Variants in ARHGEF3 observed in about 807,000 individuals in gnomAD.
ARHGEF3 encodes 59.8 kDA protein.
Under a neutral mutation model 63.2 loss-of-function variants are expected in ARHGEF3, and 28 were observed. The observed-to-expected ratio is 0.44, with a 90% CI of 0.33 to 0.61. The LOEUF is 0.61. ARHGEF3 is among the 20% of genes least tolerant of loss of function. The probability of loss-of-function intolerance (pLI) is 0.03; values close to 1 mark genes in which losing one functional copy is unlikely to be tolerated. For synonymous variants in ARHGEF3, 266 were observed against 254.2 expected (o/e 1.05, Z -0.44); for missense variants, 533 against 659.3 (o/e 0.81, Z 2.10).
At chr3:56,967,876 TA>T (rs1700643828) in intron 2 of ARHGEF3, among the ~76,000 whole-genome samples, 1 of 74,994 alleles carries the variant, frequency 1.3e-5, no homozygotes, top group South Asian at 4.1e-4. Context: ...ATATAATATA[TA>T]ATATAAATAT....
intron 1 of ARHGEF3, among the ~76,000 whole-genome samples, chr3:57,038,747 T>C (rs1206890413): frequency 6.6e-6 from 1 of 152,210 alleles, no homozygotes; most frequent in Non-Finnish European, 1.5e-5. Context: ...CTCAGACCTA[T>C]ACCATTGTTG....
chr3:56,915,412 G>A (rs138489087), intron 3 of ARHGEF3, among the ~76,000 whole-genome samples: 105 of 152,258 alleles, frequency 6.9e-4, no homozygotes, highest in African/African-American at 2.1e-3. Flanking sequence ...GTTGCAGTGA[G>A]CCGTGATTGT....
chr3:57,063,111 G>A (rs895234892), intron 1 of ARHGEF3, among the ~76,000 whole-genome samples: 2 of 152,234 alleles, frequency 1.3e-5, no homozygotes, highest in Non-Finnish European at 1.5e-5. Context: ...ACCAAGCTCT[G>A]CAGATATTGG....
chr3:56,759,489 C>T (rs1214481179), intron 2 of ARHGEF3, among the ~76,000 whole-genome samples: 1 of 151,840 alleles, frequency 6.6e-6, no homozygotes, highest in Non-Finnish European at 1.5e-5. Context: ...TCTCTTTCTA[C>T]TTGACAGTAT....
intron 3 of ARHGEF3, among the ~76,000 whole-genome samples, chr3:56,908,608 A>T (rs2041768519): frequency 6.6e-6 from 1 of 152,218 alleles, no homozygotes; most frequent in African/African-American, 2.4e-5. Context: ...GATCCATAAA[A>T]CTGATACATC....
At chr3:56,938,665 C>T (rs927412990) in intron 3 of ARHGEF3, 2 of 152,212 alleles carry the variant, frequency 1.3e-5, no homozygotes, top group African/African-American at 2.4e-5. Flanking sequence ...CCTATTCTAG[C>T]CTCATGTGTC....
At chr3:56,779,485 T>A (rs747768130) in intron 1 of ARHGEF3, among the ~76,000 whole-genome samples, 287 of 150,472 alleles carry the variant, frequency 1.9e-3, no homozygotes, top group Non-Finnish European at 2.8e-3. Flanking sequence ...AGTTTTTTTT[T>A]ATTTTTTTTT....
At chr3:56,984,156 T>C (rs1476075349) in intron 2 of ARHGEF3, among the ~76,000 whole-genome samples, 1 of 152,134 alleles carries the variant, frequency 6.6e-6, no homozygotes, top group Non-Finnish European at 1.5e-5. Context: ...ACACAACCAC[T>C]GAGCTGCCAT....
At chr3:56,839,477 T>G (rs572705423) in intron 4 of ARHGEF3, among the ~76,000 whole-genome samples, 1 of 152,306 alleles carries the variant, frequency 6.6e-6, no homozygotes, top group East Asian at 1.9e-4. Context: ...CAATGTTACT[T>G]TCCTGATTTT....
chr3:56,788,384 T>C (rs2036927049), intron 1 of ARHGEF3, among the ~76,000 whole-genome samples: 1 of 152,156 alleles, frequency 6.6e-6, no homozygotes, highest in Non-Finnish European at 1.5e-5. Flanking sequence ...TAGAAGTTCC[T>C]TGAGGACAGA....
chr3:56,971,782 A>T (rs1210368495), intron 2 of ARHGEF3, among the ~76,000 whole-genome samples: 5 of 152,044 alleles, frequency 3.3e-5, no homozygotes, highest in Non-Finnish European at 7.4e-5. Context: ...TGAACCCAGG[A>T]GGTGGAGCTT....
chr3:56,895,002 G>A (rs2041250765), intron 3 of ARHGEF3, among the ~76,000 whole-genome samples: 1 of 152,156 alleles, frequency 6.6e-6, no homozygotes, highest in African/African-American at 2.4e-5. Context: ...TTTTTACTCA[G>A]AACTTGACAG....
chr3:57,036,439 A>C (rs1703965679), intron 1 of ARHGEF3, among the ~76,000 whole-genome samples: 3 of 152,100 alleles, frequency 2.0e-5, no homozygotes, highest in Admixed American at 2.0e-4. Context: ...CAGGAGAAGA[A>C]TATTCCAGTG....
rs150555963 is a variant in ARHGEF3 at position 56,993,796 on chromosome 3, G to A, written c.63-34907C>T. On this transcript the variant is annotated intron_variant, in intron 2 of 12. Coordinates refer to the ARHGEF3 transcript ENST00000338458. ...TGAAAGCACACTGTAGGCCAGGCGC[G>A]GTGGCTCACGCCTGTAATCCCAGCA... Among the ~76,000 whole-genome samples the A allele has an allele frequency of 6.0e-3, 905 of 151,270 alleles. 11 individuals carry two copies. Among genetic ancestry groups the A allele is most frequent in the African/African-American group, 0.021 (868 of 41,328 alleles).
rs141477806 is a variant in ARHGEF3, at chr3:56,959,724, T to A, written c.63-835A>T. ...CAGGTGCGGTGGCTCACGTCTGTAA[T>A]CCCAGCACTTTGGGAGGCCGAAACA... On this transcript the variant is annotated intron_variant, in intron 2 of 12. Coordinates refer to the ARHGEF3 transcript ENST00000338458. Among the ~76,000 whole-genome samples the A allele has an allele frequency of 8.5e-4, 129 of 152,280 alleles. 2 individuals are homozygous for A. The East Asian group carries it at 0.022, about 26-fold the overall frequency.
chr3:57,023,056 A>G (rs1703323990), intron 2 of ARHGEF3, among the ~76,000 whole-genome samples: 1 of 152,046 alleles, frequency 6.6e-6, no homozygotes. Flanking sequence ...CACATACTCT[A>G]TCTTTCCTCA....
chr3:56,801,104 C>T (rs1324556995), intron 1 of ARHGEF3, among the ~76,000 whole-genome samples: 1 of 152,228 alleles, frequency 6.6e-6, no homozygotes, highest in African/African-American at 2.4e-5. Flanking sequence ...TTTTCAAGAT[C>T]CATGTGGGAG....
chr3:56,853,894 A>C (rs1319006739), intron 4 of ARHGEF3, among the ~76,000 whole-genome samples: 37 of 152,088 alleles, frequency 2.4e-4, no homozygotes, highest in Non-Finnish European at 5.9e-5. Flanking sequence ...TCTCAGTAGA[A>C]GTTACATAGA....
intron 2 of ARHGEF3, among the ~76,000 whole-genome samples, chr3:57,032,545 G>C (rs979990724): frequency 6.6e-6 from 1 of 152,176 alleles, no homozygotes. Context: ...TCTTTGGGTT[G>C]GTTTTGAATA....
Sources: gnomAD v4.1 joint callset for allele counts (sites outside exome capture counted in the v4.1 genomes callset) on GRCh38, gnomAD v4.1.1 for gene constraint, MANE v1.5 for transcripts, NCBI Gene and HGNC (gene_info 2026-07-23, HGNC 2026-07-21) for gene names.